The following NINL variants were observed in gnomAD, a reference collection of about 807,000 sequenced individuals.
The protein encoded by NINL is ninein like, also known as ninein-like protein.
Under a neutral mutation model 160.3 loss-of-function variants are expected in NINL, and 153 were observed. That is an observed-to-expected ratio of 0.95 (90% CI 0.84 to 1.09). The LOEUF is 1.09. NINL is among the 50% of genes least tolerant of loss of function. The pLI is 0.00. For synonymous variants in NINL, 800 were observed against 734.8 expected, an observed-to-expected ratio of 1.09 and a Z score of -1.43; for missense variants, 1,829 against 1,764.0, an observed-to-expected ratio of 1.04 and a Z score of -0.66.
Position 25,472,664 on chromosome 20 carries a change from G to C in NINL, c.3249-2569C>G, listed in dbSNP as rs968921652. 5.3e-5 allele frequency among the ~76,000 whole-genome samples: 8 copies of C among 151,794 alleles called. No individual in the cohort carries two copies. In the East Asian group the frequency reaches 5.8e-4, roughly 11 times the overall value. ...CCCATCTAGCCTCCCAAATAGCTGG[G>C]ACCAAAGGTGCGTGCCACCATGTGT... On this transcript the variant is annotated intron_variant, in intron 17 of 23. Coordinates refer to ENST00000278886, the MANE Select transcript of NINL (RefSeq NM_025176.6).
At chr20:25,569,466 TG>T (rs1013596775) in intron 1 of NINL, among the ~76,000 whole-genome samples, 6 of 152,106 alleles carry the variant, frequency 3.9e-5, no homozygotes, top group African/African-American at 1.4e-4. Flanking sequence ...AGTGCTGGGT[TG>T]GAGCAGCAGT....
At chr20:25,544,734 C>T (rs530555989) in intron 1 of NINL, among the ~76,000 whole-genome samples, 1 of 152,182 alleles carries the variant, frequency 6.6e-6, no homozygotes, top group Non-Finnish European at 1.5e-5. Context: ...AAAAAAGCAG[C>T]CACAAAAAGG....
intron 1 of NINL, among the ~76,000 whole-genome samples, chr20:25,581,737 G>C (rs1420965921): frequency 6.6e-6 from 1 of 152,172 alleles, no homozygotes; most frequent in Non-Finnish European, 1.5e-5. Flanking sequence ...CACTGTAAAA[G>C]GGGAAGCTAC....
intron 1 of NINL, among the ~76,000 whole-genome samples, chr20:25,561,269 G>A (rs537838155): frequency 2.0e-5 from 3 of 152,118 alleles, no homozygotes; most frequent in African/African-American, 4.8e-5. Flanking sequence ...CAGCTCCTAA[G>A]CGCGAGTGAT....
chr20:25,584,113 G>T (rs971844032), intron 1 of NINL, among the ~76,000 whole-genome samples: 1 of 152,148 alleles, frequency 6.6e-6, no homozygotes, highest in Non-Finnish European at 1.5e-5. Flanking sequence ...TAACAAACCA[G>T]AACGTTCTGC....
At position 25,503,571 on chromosome 20, in the gene NINL, G is replaced by A. The variant is rs533601161; in HGVS notation, c.861+381C>T. On this transcript the variant is annotated intron_variant, in intron 7 of 23. Coordinates refer to ENST00000278886, the MANE Select transcript of NINL (RefSeq NM_025176.6). ...CAGGAGGTGGGCACCTGAGCAGCACGTTCCTCACCTGAGCACTGCCTTCTG... is the reference window on the plus strand; with the variant it reads ...CAGGAGGTGGGCACCTGAGCAGCACATTCCTCACCTGAGCACTGCCTTCTG... 2.1e-4 allele frequency among the ~76,000 whole-genome samples: 31 copies of A among 150,890 alleles called. 1 individual carries two copies. The East Asian group carries it at 2.4e-3, about 11-fold the overall frequency.
At chr20:25,529,387 A>T (rs1363140799) in intron 1 of NINL, among the ~76,000 whole-genome samples, 1 of 152,208 alleles carries the variant, frequency 6.6e-6, no homozygotes, top group African/African-American at 2.4e-5. Flanking sequence ...AACAGCCAGT[A>T]TCTACACTGA....
chr20:25,495,505 C>T (rs573838564), intron 10 of NINL, among the ~76,000 whole-genome samples: 5 of 152,294 alleles, frequency 3.3e-5, no homozygotes, highest in South Asian at 2.1e-4. Flanking sequence ...AACCCAAGGG[C>T]GTGGGGACAA....
At chr20:25,554,551 GGGGT>G (rs1192508543) in intron 1 of NINL, among the ~76,000 whole-genome samples, 3 of 151,368 alleles carry the variant, frequency 2.0e-5, no homozygotes, top group African/African-American at 7.3e-5. Context: ...TTGGGAGGCC[GGGGT>G]GGGTGGATCG....
chr20:25,571,321 T>TCACCAGGGGCAAGGTGTCTGGCA (rs2065052643), intron 1 of NINL, among the ~76,000 whole-genome samples: 1 of 152,216 alleles, frequency 6.6e-6, no homozygotes, highest in Admixed American at 6.5e-5. Context: ...CCTCCCTGTC[T>TCACCAGGGGCAAGGTGTCTGGCA]CACCAGGGGC....
Position 25,501,003 on chromosome 20 carries a change from T to C in NINL, c.869A>G (p.Glu290Gly), listed in dbSNP as rs148396885. The C allele has an allele frequency of 1.7e-5, 27 of 1,613,744 alleles. No homozygotes were observed. The highest frequency in any genetic ancestry group is 2.2e-5 in the Non-Finnish European group (26 of 1,179,920). Residue 290 changes from glutamate (E) to glycine (G), a missense_variant, in exon 8 of 24, where the codon GAG (glutamate) becomes GGG (glycine). Coordinates refer to ENST00000278886, the MANE Select transcript of NINL (RefSeq NM_025176.6). ...TGTGGTGGTGTGGCAGCCGCTCTCC[T>C]CTGGGACCTGCATGTCAGGAAGACT... Reference protein sequence around the residue: ...SKAWSHYQVPEESGCHTTTTS... With the variant: ...SKAWSHYQVPGESGCHTTTTS...
intron 5 of NINL, among the ~76,000 whole-genome samples, chr20:25,505,433 G>GTT (rs1251123945): frequency 6.6e-6 from 1 of 152,110 alleles, no homozygotes; most frequent in Non-Finnish European, 1.5e-5. Context: ...TTGCTTCCTT[G>GTT]AAGTTTGCTA....
intron 1 of NINL, among the ~76,000 whole-genome samples, chr20:25,577,191 C>G (rs1433350778): frequency 6.6e-6 from 1 of 152,232 alleles, no homozygotes; most frequent in African/African-American, 2.4e-5. Flanking sequence ...AGGGAGCTAA[C>G]TGGCCGGGCT....
intron 1 of NINL, among the ~76,000 whole-genome samples, chr20:25,544,308 C>T (rs1344857609): frequency 1.3e-5 from 2 of 152,118 alleles, no homozygotes; most frequent in Admixed American, 6.5e-5. Flanking sequence ...GATGGGCCCA[C>T]AGAACCATCT....
chr20:25,466,308 C>T (rs1263935439), intron 19 of NINL, among the ~76,000 whole-genome samples: 7 of 152,114 alleles, frequency 4.6e-5, no homozygotes, highest in Non-Finnish European at 8.8e-5. Context: ...AGGTATGAGG[C>T]ACTGCACCCG....
In NINL at chr20:25,509,477, G is replaced by A. The variant is rs145823547; in HGVS notation, c.517+1197C>T. Among the ~76,000 whole-genome samples, 777 of 152,302 alleles carry A rather than the reference G, an allele frequency of 5.1e-3. 10 individuals carry two copies. Among genetic ancestry groups the A allele is most frequent in the African/African-American group, 0.018 (738 of 41,560 alleles). On this transcript the variant is annotated intron_variant, in intron 5 of 23. Coordinates refer to ENST00000278886, the MANE Select transcript of NINL (RefSeq NM_025176.6). ...TAAAAGCTTGTGCTGTGATTGTAAG[G>A]GCCTGGTGTGAACCTCAGCTCTTGT...
chr20:25,544,243 C>T (rs2064706679), intron 1 of NINL, among the ~76,000 whole-genome samples: 1 of 152,088 alleles, frequency 6.6e-6, no homozygotes, highest in African/African-American at 2.4e-5. Flanking sequence ...CAGGCAACTC[C>T]TGGCTCTGGC....
intron 4 of NINL, among the ~76,000 whole-genome samples, chr20:25,512,042 T>G (rs2064079261): frequency 6.6e-6 from 1 of 152,142 alleles, no homozygotes; most frequent in African/African-American, 2.4e-5. Flanking sequence ...TGGACATATT[T>G]CTTAACGTGA....
chr20:25,538,632 A>G (rs2064603012), intron 1 of NINL, among the ~76,000 whole-genome samples: 1 of 152,164 alleles, frequency 6.6e-6, no homozygotes, highest in Admixed American at 6.5e-5. Context: ...CCCCAGGGTC[A>G]CAGTGATGGG....
Sources: allele counts gnomAD v4.1 joint callset (sites outside exome capture counted in the v4.1 genomes callset), GRCh38; gene constraint gnomAD v4.1.1; transcripts MANE v1.5; gene names NCBI Gene and HGNC (gene_info 2026-07-23, HGNC 2026-07-21).